The following SENP6 variants were observed in gnomAD, a reference collection of about 807,000 sequenced individuals.
The protein encoded by SENP6 is SUMO specific peptidase 6, also known as sentrin-specific protease 6.
Under a neutral mutation model 134.5 loss-of-function variants are expected in SENP6, and 41 were observed. The ratio of observed to expected loss-of-function variants is 0.30; its 90% confidence interval spans 0.24 to 0.40. The LOEUF is 0.40. Ranked by LOEUF, SENP6 falls within the 10% of genes least tolerant of loss-of-function variation. The pLI is 1.00. For synonymous variants in SENP6, 395 were observed against 429.8 expected (o/e 0.92, Z 1.00); for missense variants, 1,248 against 1,312.5 (o/e 0.95, Z 0.76).
In SENP6 at chr6:75,675,901, G is replaced by T; in HGVS notation, c.1468G>T (p.Asp490Tyr). 4.4e-6 allele frequency: 7 copies of T among 1,609,124 alleles called. No homozygotes were observed. The highest frequency in any genetic ancestry group is 1.1e-5 in the South Asian group (1 of 90,002). ...TGTAGAGATTATATTAAATACCTCTGATCTAACTAAATGTGAATGGTGTAA... is the reference window on the plus strand; with the variant it reads ...TGTAGAGATTATATTAAATACCTCTTATCTAACTAAATGTGAATGGTGTAA... ...DPVEIILNTS[D>Y]LTKCEWCNVR... The change falls in exon 13 of 24, where the codon GAT (aspartate) becomes TAT (tyrosine). Residue 490 changes from aspartate (D) to tyrosine (Y), a missense_variant. Around this residue, in one of 3 missense-constraint regions of SENP6, gnomAD observed 733 missense variants for 725.4 expected, o/e 1.01. Coordinates refer to ENST00000447266, the MANE Select transcript of SENP6 (RefSeq NM_015571.4).
intron 1 of SENP6, chr6:75,620,543 C>G (rs964737794): frequency 2.0e-5 from 3 of 152,178 alleles, no homozygotes; most frequent in Non-Finnish European, 2.9e-5. Context: ...GAGCTGTGCC[C>G]TCGTGATCTA....
chr6:75,713,502 T>G lies in SENP6; in HGVS notation c.2910-11T>G, dbSNP rs1214171143. ...TGAAGTATTCGACTTTTGGTCATTTTTACCCTGCAGACCTTGTATCCTACT... is the reference window on the plus strand; with the variant it reads ...TGAAGTATTCGACTTTTGGTCATTTGTACCCTGCAGACCTTGTATCCTACT... On this transcript the variant is annotated splice_polypyrimidine_tract_variant and intron_variant, in intron 21 of 23. Coordinates refer to ENST00000447266, the MANE Select transcript of SENP6 (RefSeq NM_015571.4). 1 of 1,608,228 alleles carries G rather than the reference T, an allele frequency of 6.2e-7. No homozygotes were observed. Among genetic ancestry groups the G allele is most frequent in the Admixed American group, 1.7e-5 (1 of 58,874 alleles).
chr6:75,626,911 G>T (rs1412070109), intron 3 of SENP6, among the ~76,000 whole-genome samples: 8 of 150,602 alleles, frequency 5.3e-5, no homozygotes, highest in East Asian at 3.9e-4. Flanking sequence ...GTCTTTCTGG[G>T]TTTTTTTTTC....
intron 5 of SENP6, among the ~76,000 whole-genome samples, chr6:75,637,873 T>A (rs1769646958): frequency 6.6e-6 from 1 of 152,148 alleles, no homozygotes; most frequent in Non-Finnish European, 1.5e-5. Flanking sequence ...TTTGTGTTTG[T>A]TTGAGACTGA....
At chr6:75,677,431 G>T (rs1188124511) in intron 14 of SENP6, 175 bp downstream of exon 14, 1 of 538,200 alleles carries the variant, frequency 1.9e-6, no homozygotes, top group Non-Finnish European at 3.2e-6. Flanking sequence ...TGGTGGGTAG[G>T]TGCCAAATAC....
intron 16 of SENP6, among the ~76,000 whole-genome samples, chr6:75,692,636 A>AT (rs1304749473): frequency 1.3e-5 from 2 of 152,032 alleles, no homozygotes; most frequent in Non-Finnish European, 2.9e-5. Flanking sequence ...AAAGAAATAA[A>AT]TAAAGCACAG....
chr6:75,629,062 A>G (rs1350975179), intron 3 of SENP6, among the ~76,000 whole-genome samples: 2 of 152,218 alleles, frequency 1.3e-5, no homozygotes, highest in Non-Finnish European at 2.9e-5. Flanking sequence ...CAAAAATGAC[A>G]TAGTAATCAA....
chr6:75,614,190 G>A (rs1240090358), intron 1 of SENP6, among the ~76,000 whole-genome samples: 2 of 151,500 alleles, frequency 1.3e-5, no homozygotes, highest in Non-Finnish European at 2.9e-5. Flanking sequence ...TTGTCTTGTT[G>A]TTGGGGAAAT....
At chr6:75,636,626 A>T (rs1353364639) in intron 5 of SENP6, among the ~76,000 whole-genome samples, 2 of 152,316 alleles carry the variant, frequency 1.3e-5, no homozygotes, top group East Asian at 3.9e-4. Context: ...GAGCTATACA[A>T]AATACGTGTA....
Position 75,718,148 on chromosome 6 carries a change from A to T in SENP6, c.*2554A>T, listed in dbSNP as rs1776090312. On this transcript the variant is annotated 3_prime_UTR_variant, in exon 24 of 24. Coordinates refer to ENST00000447266, the MANE Select transcript of SENP6 (RefSeq NM_015571.4). The stretch of plus-strand genomic sequence containing the variant: ...AAAATGAATGCAGTAATTTTTCTTT[A>T]AAAAAATGATCTCTGAAAACTGTGA... The T allele has an allele frequency of 6.6e-6, 1 of 152,136 alleles. No individual in the cohort carries two copies. The highest frequency in any genetic ancestry group is 2.1e-4 in the South Asian group (1 of 4,826). 9.4% of individuals were successfully genotyped at this position (152,136 alleles called of 1,614,324 possible).
At chr6:75,664,273 C>CAAT (rs1003683972) in intron 9 of SENP6, among the ~76,000 whole-genome samples, 5 of 149,704 alleles carry the variant, frequency 3.3e-5, no homozygotes, top group Non-Finnish European at 7.4e-5. Flanking sequence ...AAAAAAAAAA[C>CAAT]AATAATAATA....
intron 16 of SENP6, among the ~76,000 whole-genome samples, chr6:75,681,385 A>G (rs1773453161): frequency 1.3e-5 from 2 of 151,646 alleles, no homozygotes; most frequent in African/African-American, 4.9e-5. Flanking sequence ...CTCCACAGCT[A>G]CGCTTCCTGT....
intron 1 of SENP6, 70 bp downstream of exon 1, chr6:75,602,646 G>T: frequency 1.4e-6 from 2 of 1,463,430 alleles, no homozygotes; most frequent in Non-Finnish European, 1.9e-6. Context: ...CAGAACCCCG[G>T]ATATTCAGTT....
chr6:75,646,054 C>G (rs1049913834), intron 6 of SENP6, among the ~76,000 whole-genome samples: 8 of 152,186 alleles, frequency 5.3e-5, no homozygotes, highest in African/African-American at 1.7e-4. Context: ...GTATGATTTA[C>G]TGTCTCAGAT....
In SENP6 at chr6:75,663,819, TG is replaced by T. The variant is rs1387243904; in HGVS notation, c.994+302del. ...CCTGCTGATAGTGGGTTTTTTTTTT[TG>T]TGGGGGGGGGGGTGCCTAAAATAAC... is the stretch of plus-strand genomic sequence containing the variant. On this transcript the variant is annotated intron_variant, in intron 9 of 23. Transcript: ENST00000447266. Among the ~76,000 whole-genome samples, 811 of 90,704 alleles carry T rather than the reference TG, an allele frequency of 8.9e-3. 12 individuals are homozygous for T. Among genetic ancestry groups the T allele is most frequent in the Non-Finnish European group, 0.013 (609 of 48,120 alleles). 59.5% of individuals were successfully genotyped at this position (90,704 alleles called of 152,430 possible). A position where few individuals can be genotyped will look rare whatever the true frequency, so the allele number is the denominator to read the frequency against.
At chr6:75,671,367 C>G (rs1238619785) in intron 11 of SENP6, among the ~76,000 whole-genome samples, 1 of 152,148 alleles carries the variant, frequency 6.6e-6, no homozygotes, top group East Asian at 1.9e-4. Flanking sequence ...CTTGATGTCC[C>G]TATTTGTTTC....
rs186344268 is a variant in SENP6 at position 75,678,608 on chromosome 6, T to C, written c.1874T>C (p.Leu625Pro). The C allele has an allele frequency of 4.6e-4, 722 of 1,578,992 alleles. 5 individuals are homozygous for C. The East Asian group carries it at 0.015, about 33-fold the overall frequency. Residue 625 changes from leucine (L) to proline (P), a missense_variant, in exon 15 of 24, where the codon CTT becomes CCT. Physicochemically the swap from Leu to Pro is moderately conservative, Grantham distance 98 (BLOSUM62 -3). This residue lies in a region of SENP6 where 129 missense variants were observed against 192.0 expected (regional missense o/e 0.67). Coordinates refer to ENST00000447266, the MANE Select transcript of SENP6 (RefSeq NM_015571.4). The stretch of plus-strand genomic sequence containing the variant: ...GTATCATTTGAATCTAAAATACAAC[T>C]TAGAAGCAAACAAGAATTTCAGTTT... ...KTVSFESKIQ[L>P]RSKQEFQFFD... is the part of the protein sequence containing the mutation.
chr6:75,613,946 T>A (rs1767656722), intron 1 of SENP6, among the ~76,000 whole-genome samples: 1 of 152,248 alleles, frequency 6.6e-6, no homozygotes, highest in Non-Finnish European at 1.5e-5. Context: ...GATTGTTATG[T>A]CCCATTTGTC....
Position 75,697,282 on chromosome 6 carries a change from T to C in SENP6, c.2196-143T>C, listed in dbSNP as rs1177976813. 6.9e-6 allele frequency: 4 copies of C among 582,804 alleles called. No individual in the cohort carries two copies. In the African/African-American group the frequency reaches 7.5e-5, roughly 11 times the overall value. 36.1% of individuals were successfully genotyped at this position (582,804 alleles called of 1,614,324 possible). On this transcript the variant is annotated intron_variant, in intron 17 of 23. Coordinates refer to ENST00000447266, the MANE Select transcript of SENP6 (RefSeq NM_015571.4). ...TTCCTAGTTTCCATCCAACAAGTTCTATTTTCTTTCCCCAGTTTGTCAAAC... is the reference window on the plus strand; with the variant it reads ...TTCCTAGTTTCCATCCAACAAGTTCCATTTTCTTTCCCCAGTTTGTCAAAC...
Sources: gnomAD v4.1 joint callset for allele counts (sites outside exome capture counted in the v4.1 genomes callset) on GRCh38, gnomAD v4.1.1 for gene constraint, gnomAD v4.1.1 regional missense constraint, MANE v1.5 for transcripts, NCBI Gene and HGNC (gene_info 2026-07-23, HGNC 2026-07-21) for gene names.